TAOK1: variants seen among roughly 807,000 people sequenced by gnomAD.
TAOK1 encodes TAO kinase 1.
Under a neutral mutation model 138.3 loss-of-function variants are expected in TAOK1, and 21 were observed. That is an observed-to-expected ratio of 0.15 (90% confidence interval 0.11 to 0.22). The LOEUF (loss-of-function observed/expected upper bound fraction) is 0.22, where lower values mean the gene tolerates loss of function less well. Ranked by LOEUF, TAOK1 falls within the 10% of genes least tolerant of loss-of-function variation. The pLI is 1.00. For missense variants in TAOK1, 651 were observed against 1,227.7 expected (o/e 0.53, Z 7.02); for synonymous variants, 361 against 398.4 (o/e 0.91, Z 1.12).
At chr17:29,446,706 A>G (rs1182179560) in intron 1 of TAOK1, among the ~76,000 whole-genome samples, 7 of 151,482 alleles carry the variant, frequency 4.6e-5, no homozygotes, top group Admixed American at 1.3e-4. Flanking sequence ...CCATGCTCCC[A>G]TAAGATTATA....
At chr17:29,482,391 C>CT in intron 8 of TAOK1, 103 bp downstream of exon 8, 4 of 913,018 alleles carry the variant, frequency 4.4e-6, no homozygotes, top group Non-Finnish European at 6.7e-6. Flanking sequence ...TTAAATGTCA[C>CT]TTTATAAGGG....
rs753693777 is a variant in TAOK1 at position 29,534,267 on chromosome 17, G to GGTCT, written c.2512_2515dup (p.Ser839CysfsTer13). 6.2e-7 allele frequency: 1 copy of GGTCT among 1,609,766 alleles called. No homozygotes were observed. The highest frequency in any genetic ancestry group is 2.2e-5 in the East Asian group (1 of 44,662). On this transcript the variant is annotated frameshift_variant, in exon 19 of 20. Transcript: ENST00000261716. LOFTEE classifies it high-confidence loss of function. ...GAGAGCTTCGCGAGCTTGAACAGAG[G>GGTCT]GTCTCCCTCCGGAGGGCACTCTTAG...
chr17:29,432,792 A>T (rs1298162275), intron 1 of TAOK1, among the ~76,000 whole-genome samples: 1 of 144,128 alleles, frequency 6.9e-6, no homozygotes, highest in Non-Finnish European at 1.5e-5. Flanking sequence ...TTTTTTTTTT[A>T]GAGAGAGACA....
chr17:29,400,041 G>C (rs1004178869), intron 1 of TAOK1, among the ~76,000 whole-genome samples: 1 of 152,138 alleles, frequency 6.6e-6, no homozygotes, highest in African/African-American at 2.4e-5. Context: ...TCTGATGGGA[G>C]TTTTTAATTT....
intron 3 of TAOK1, among the ~76,000 whole-genome samples, chr17:29,469,359 C>T (rs2030759680): frequency 6.6e-6 from 1 of 152,000 alleles, no homozygotes. Flanking sequence ...TAACTATTTT[C>T]AATTCCACAT....
chr17:29,456,874 C>CATGT lies in TAOK1; in HGVS notation c.132+5195_132+5196insTGTA, dbSNP rs1200964085. On this transcript the variant is annotated intron_variant, in intron 2 of 19. Transcript: ENST00000261716. ...TCAGCCCCCCAAGTAGCTGGGACTACAGGCGCCTGTCACCACGCCTGGCTA... is the reference window on the plus strand; with the variant it reads ...TCAGCCCCCCAAGTAGCTGGGACTACATGTAGGCGCCTGTCACCACGCCTGGCTA... Among the ~76,000 whole-genome samples, 2 of 149,796 alleles carry CATGT rather than the reference C, an allele frequency of 1.3e-5. 1 individual carries two copies. The highest frequency in any genetic ancestry group is 5.1e-5 in the African/African-American group (2 of 39,244).
At chr17:29,457,073 CTCTTTTTTTCTTTT>C (rs2030397757) in intron 2 of TAOK1, among the ~76,000 whole-genome samples, 1 of 139,974 alleles carries the variant, frequency 7.1e-6, no homozygotes. Flanking sequence ...TTCTTTTCTT[CTCTTTTTTTCTTTT>C]TCTTTTTTTT....
chr17:29,395,202 C>G (rs1332009824), intron 1 of TAOK1, among the ~76,000 whole-genome samples: 1 of 152,104 alleles, frequency 6.6e-6, no homozygotes, highest in Admixed American at 6.6e-5. Flanking sequence ...TGTGATCATG[C>G]CACCGCACTC....
chr17:29,441,192 A>G (rs1013736408), intron 1 of TAOK1, among the ~76,000 whole-genome samples: 1 of 152,196 alleles, frequency 6.6e-6, no homozygotes, highest in Non-Finnish European at 1.5e-5. Flanking sequence ...CTACTGGCCC[A>G]TAAAATGAGT....
At chr17:29,416,068 G>A (rs1905256957) in intron 1 of TAOK1, among the ~76,000 whole-genome samples, 1 of 152,060 alleles carries the variant, frequency 6.6e-6, no homozygotes, top group African/African-American at 2.4e-5. Context: ...TTCGAGACCA[G>A]CCTGGCCAAC....
intron 16 of TAOK1, among the ~76,000 whole-genome samples, chr17:29,519,812 A>G (rs2031884729): frequency 6.6e-6 from 1 of 152,224 alleles, no homozygotes; most frequent in South Asian, 2.1e-4. Flanking sequence ...TAATACGCAC[A>G]TAGCATTTAT....
intron 1 of TAOK1, among the ~76,000 whole-genome samples, chr17:29,401,519 A>G (rs983889782): frequency 1.3e-5 from 2 of 152,164 alleles, no homozygotes; most frequent in African/African-American, 4.8e-5. Flanking sequence ...AGAACTCACT[A>G]TCAACTAGAA....
rs548221652 is a variant in TAOK1 at position 29,457,089 on chromosome 17, C to CTTTTTTTTTTTTTTT, written c.132+5417_132+5431dup. The stretch of plus-strand genomic sequence containing the variant: ...TCTTTTCTTCTCTTTTTTTCTTTTT[C>CTTTTTTTTTTTTTTT]TTTTTTTTTTTTTTTTTTTTTTGAG... On this transcript the variant is annotated intron_variant, in intron 2 of 19. Coordinates refer to ENST00000261716, the MANE Select transcript of TAOK1 (RefSeq NM_020791.4). Among the ~76,000 whole-genome samples, 185 of 107,434 alleles carry CTTTTTTTTTTTTTTT rather than the reference C, an allele frequency of 1.7e-3. 1 individual carries two copies. The highest frequency in any genetic ancestry group is 2.5e-3 in the Non-Finnish European group (135 of 53,644). 70.5% of individuals were successfully genotyped at this position (107,434 alleles called of 152,430 possible).
chr17:29,393,197 C>A (rs1215133523), intron 1 of TAOK1, among the ~76,000 whole-genome samples: 1 of 152,054 alleles, frequency 6.6e-6, no homozygotes, highest in East Asian at 1.9e-4. Context: ...ATAATTATTT[C>A]ATATATACTA....
intron 1 of TAOK1, among the ~76,000 whole-genome samples, chr17:29,425,101 ACT>A (rs1252686451): frequency 2.6e-5 from 4 of 152,068 alleles, no homozygotes; most frequent in Non-Finnish European, 4.4e-5. Flanking sequence ...GTAGAATCTC[ACT>A]CTGTCTCCCA....
chr17:29,460,904 A>G (rs1327021887), intron 2 of TAOK1, among the ~76,000 whole-genome samples: 1 of 152,212 alleles, frequency 6.6e-6, no homozygotes. Flanking sequence ...TTCTGATAAG[A>G]TAAAGGGCGC....
chr17:29,520,027 A>T (rs750490483), intron 16 of TAOK1, among the ~76,000 whole-genome samples: 2 of 152,002 alleles, frequency 1.3e-5, no homozygotes, highest in African/African-American at 2.4e-5. Flanking sequence ...AAAATATTTT[A>T]AAAATGAGCT....
intron 19 of TAOK1, among the ~76,000 whole-genome samples, chr17:29,537,239 C>T (rs749247890): frequency 1.3e-5 from 2 of 152,122 alleles, no homozygotes; most frequent in East Asian, 3.8e-4. Context: ...AATACAAAGC[C>T]ATTACAATGC....
At chr17:29,413,472 T>A (rs1905193297) in intron 1 of TAOK1, among the ~76,000 whole-genome samples, 1 of 152,110 alleles carries the variant, frequency 6.6e-6, no homozygotes, top group Non-Finnish European at 1.5e-5. Context: ...GGCATGTGTC[T>A]GTAGTCCCAG....
Sources: allele counts gnomAD v4.1 joint callset (sites outside exome capture counted in the v4.1 genomes callset), GRCh38; gene constraint gnomAD v4.1.1; transcripts MANE v1.5; gene names NCBI Gene and HGNC (gene_info 2026-07-23, HGNC 2026-07-21).